The following DGKI variants were observed in gnomAD, a reference collection of about 807,000 sequenced individuals.
DGKI encodes the protein DAG kinase iota.
In DGKI, 55 loss-of-function variants were observed where a neutral mutation model predicts 147.5. That is an observed-to-expected ratio of 0.37 (90% CI 0.30 to 0.47). The LOEUF is 0.47. DGKI is among the 20% of genes least tolerant of loss of function. The pLI is 1.00. For synonymous variants in DGKI, 469 were observed against 477.1 expected, an observed-to-expected ratio of 0.98 and a Z score of 0.22; for missense variants, 1,007 against 1,323.8, an observed-to-expected ratio of 0.76 and a Z score of 3.71.
intron 1 of DGKI, among the ~76,000 whole-genome samples, chr7:137,792,122 G>T (rs762551737): frequency 1.3e-5 from 2 of 152,130 alleles, no homozygotes; most frequent in Non-Finnish European, 2.9e-5. Context: ...CACAAATGTC[G>T]ACTGAGCACC....
chr7:137,821,821 C>T (rs1797910728), intron 1 of DGKI, among the ~76,000 whole-genome samples: 1 of 152,048 alleles, frequency 6.6e-6, no homozygotes, highest in Admixed American at 6.6e-5. Flanking sequence ...TGGGGTCACC[C>T]CACAGAGTTC....
intron 20 of DGKI, among the ~76,000 whole-genome samples, chr7:137,528,665 A>C (rs114253774): frequency 5.3e-4 from 80 of 152,296 alleles, no homozygotes; most frequent in African/African-American, 1.8e-3. Context: ...AGCATTATAG[A>C]GTCAAAAGCA....
rs1817685705 is a variant in DGKI at position 137,541,091 on chromosome 7, C to G, written c.2147+11278G>C. ...ACTCAAATAGCCACAACAGTGTTGA[C>G]AATGAAGAATAAATTTGGAAGAATA... On this transcript the variant is annotated intron_variant, in intron 20 of 32. Transcript: ENST00000614521. 2.0e-5 allele frequency among the ~76,000 whole-genome samples: 3 copies of G among 152,072 alleles called. No individual in the cohort carries two copies. The South Asian group carries it at 6.2e-4, about 32-fold the overall frequency.
At chr7:137,625,618 CTG>C (rs1021468657) in intron 6 of DGKI, among the ~76,000 whole-genome samples, 9 of 151,894 alleles carry the variant, frequency 5.9e-5, no homozygotes, top group Non-Finnish European at 1.0e-4. Context: ...TTTGCACAGA[CTG>C]GGCATGGTGG....
At chr7:137,619,981 A>G (rs748085722) in intron 7 of DGKI, 41 bp from the exon 8 acceptor site, 4 of 1,426,988 alleles carry the variant, frequency 2.8e-6, no homozygotes, top group Admixed American at 1.7e-5. Context: ...CTGGTCAAAG[A>G]GTAATGCTGC....
At chr7:137,723,584 T>A (rs1794629054) in intron 1 of DGKI, among the ~76,000 whole-genome samples, 1 of 150,988 alleles carries the variant, frequency 6.6e-6, no homozygotes, top group South Asian at 2.1e-4. Context: ...GGGAGACGAG[T>A]CAAACAACAA....
At chr7:137,538,627 T>C (rs2128960052) in intron 20 of DGKI, among the ~76,000 whole-genome samples, 1 of 152,302 alleles carries the variant, frequency 6.6e-6, no homozygotes, top group South Asian at 2.1e-4. Flanking sequence ...AATTTAGCTA[T>C]GACACTCGCT....
At chr7:137,656,202 T>C (rs1039588278) in intron 4 of DGKI, among the ~76,000 whole-genome samples, 2 of 152,238 alleles carry the variant, frequency 1.3e-5, no homozygotes, top group South Asian at 2.1e-4. Flanking sequence ...AGAGAATCAG[T>C]GCACACCAGG....
chr7:137,845,867 G>A (rs1199556836), intron 1 of DGKI, among the ~76,000 whole-genome samples: 1 of 152,088 alleles, frequency 6.6e-6, no homozygotes, highest in Non-Finnish European at 1.5e-5. Flanking sequence ...AACCAGTGGC[G>A]CATCTACAGA....
At chr7:137,741,925 GT>G (rs1308022290) in intron 1 of DGKI, among the ~76,000 whole-genome samples, 1 of 151,210 alleles carries the variant, frequency 6.6e-6, no homozygotes, top group East Asian at 2.0e-4. Context: ...TAAATACAAT[GT>G]AAAAAAAAAT....
chr7:137,408,137 G>T (rs1812026727), intron 29 of DGKI, 142 bp from the exon 30 acceptor site: 2 of 949,200 alleles, frequency 2.1e-6, no homozygotes, highest in Admixed American at 5.3e-5. Flanking sequence ...AAAAGGTGAA[G>T]TAACATTCCT....
intron 1 of DGKI, among the ~76,000 whole-genome samples, chr7:137,753,852 C>A (rs982192419): frequency 6.6e-6 from 1 of 152,140 alleles, no homozygotes; most frequent in Non-Finnish European, 1.5e-5. Flanking sequence ...ATGCCACCAG[C>A]TCCTACAGAG....
intron 21 of DGKI, among the ~76,000 whole-genome samples, chr7:137,505,433 A>G (rs1247098178): frequency 6.6e-6 from 1 of 152,218 alleles, no homozygotes; most frequent in Non-Finnish European, 1.5e-5. Flanking sequence ...GGTTCATGTC[A>G]TATCTAATTC....
chr7:137,816,033 G>A (rs1797726343), intron 1 of DGKI, among the ~76,000 whole-genome samples: 1 of 152,120 alleles, frequency 6.6e-6, no homozygotes, highest in African/African-American at 2.4e-5. Context: ...CCATTCTCTT[G>A]AATGAGAGAA....
intron 1 of DGKI, among the ~76,000 whole-genome samples, chr7:137,695,116 A>G (rs1823740299): frequency 6.6e-6 from 1 of 152,200 alleles, no homozygotes; most frequent in Non-Finnish European, 1.5e-5. Flanking sequence ...TTACCTTCAC[A>G]GTGATTCTCC....
intron 10 of DGKI, among the ~76,000 whole-genome samples, chr7:137,606,102 G>GA (rs1028709300): frequency 2.6e-5 from 4 of 151,604 alleles, no homozygotes; most frequent in African/African-American, 4.8e-5. Context: ...TATCAATTTA[G>GA]AAAAAAAATT....
intron 1 of DGKI, among the ~76,000 whole-genome samples, chr7:137,715,189 A>G (rs930971641): frequency 6.6e-6 from 1 of 152,220 alleles, no homozygotes; most frequent in Non-Finnish European, 1.5e-5. Context: ...TGGTACGGGT[A>G]GAAACTAGGC....
intron 21 of DGKI, among the ~76,000 whole-genome samples, chr7:137,498,463 C>A (rs1046326410): frequency 6.6e-6 from 1 of 151,990 alleles, no homozygotes; most frequent in African/African-American, 2.4e-5. Context: ...ACAATAACTA[C>A]AGAACAATAT....
chr7:137,559,334 G>A (rs1484098587), intron 19 of DGKI, among the ~76,000 whole-genome samples: 1 of 151,904 alleles, frequency 6.6e-6, no homozygotes, highest in Admixed American at 6.6e-5. Flanking sequence ...GCCTCCCAAA[G>A]TGCTGGGATT....
Sources: allele counts gnomAD v4.1 joint callset (sites outside exome capture counted in the v4.1 genomes callset), GRCh38; gene constraint gnomAD v4.1.1; transcripts MANE v1.5; gene names NCBI Gene and HGNC (gene_info 2026-07-23, HGNC 2026-07-21).